The following PTGER2 variants were observed in gnomAD, a reference collection of about 807,000 sequenced individuals.
PTGER2 encodes the protein prostaglandin E2 receptor EP2 subtype.
Under a neutral mutation model 26.2 loss-of-function variants are expected in PTGER2, and 22 were observed. The observed-to-expected ratio is 0.84, with a 90% CI of 0.60 to 1.20. The LOEUF (loss-of-function observed/expected upper bound fraction) is 1.20, where lower values mean the gene tolerates loss of function less well. PTGER2 is among the 50% of genes most tolerant of loss of function. The probability of loss-of-function intolerance (pLI) is 0.00; values close to 1 mark genes in which losing one functional copy is unlikely to be tolerated. For missense variants in PTGER2, 458 were observed against 475.2 expected, an observed-to-expected ratio of 0.96 and a Z score of 0.34; for synonymous variants, 219 against 208.9, an observed-to-expected ratio of 1.05 and a Z score of -0.42.
At position 52,315,295 on chromosome 14, in the gene PTGER2, G is replaced by T. The variant is rs756332231; in HGVS notation, c.747G>T (p.Arg249Ser). 9.3e-6 allele frequency: 15 copies of T among 1,613,634 alleles called. No individual in the cohort carries two copies. The highest frequency in any genetic ancestry group is 8.3e-5 in the Admixed American group (5 of 60,012). The change falls in exon 1 of 2, where the codon AGG (arginine) becomes AGT (serine). Residue 249 changes from arginine to serine, a missense_variant. Coordinates refer to ENST00000245457, the MANE Select transcript of PTGER2 (RefSeq NM_000956.4). The part of the protein sequence containing the change: ...GSGRGGPGAR[R>S]RGERVSMAEE... ...GCCGGGGCGGCCCCGGGGCCCGCAG[G>T]AGAGGGGAAAGGGTGTCCATGGCGG...
In PTGER2 at chr14:52,314,401, G is replaced by A. The variant is rs1434420919; in HGVS notation, c.-148G>A. Reference sequence around the variant, plus strand: ...GGCGGGAGACCCAGGGCAAGCCGCCGTCGGCGCGCTGGGTGCGGGAAGGGG... The same window carrying A: ...GGCGGGAGACCCAGGGCAAGCCGCCATCGGCGCGCTGGGTGCGGGAAGGGG... On this transcript the variant is annotated 5_prime_UTR_variant, in exon 1 of 2. Coordinates refer to ENST00000245457, the MANE Select transcript of PTGER2 (RefSeq NM_000956.4). The surrounding 1 kb of genome is among the most constrained non-coding windows in gnomAD (Gnocchi z 5.7). 2.0e-6 allele frequency: 2 copies of A among 1,004,680 alleles called. No individual in the cohort carries two copies. The highest frequency in any genetic ancestry group is 1.7e-5 in the African/African-American group (1 of 59,556). 62.2% of individuals were successfully genotyped at this position (1,004,680 alleles called of 1,614,324 possible).
At chr14:52,317,289 TC>T (rs767642734) in intron 1 of PTGER2, among the ~76,000 whole-genome samples, 5 of 152,056 alleles carry the variant, frequency 3.3e-5, no homozygotes, top group Admixed American at 2.0e-4. Flanking sequence ...TTAGTCTCTT[TC>T]CTACACGAGC....
intron 1 of PTGER2, among the ~76,000 whole-genome samples, chr14:52,317,317 C>G (rs2033851045): frequency 1.3e-5 from 2 of 152,152 alleles, no homozygotes; most frequent in South Asian, 4.1e-4. Context: ...AAAAAGTTCT[C>G]CTCTTTGATC....
chr14:52,320,257 T>A (rs1012744299), intron 1 of PTGER2, among the ~76,000 whole-genome samples: 3 of 152,224 alleles, frequency 2.0e-5, no homozygotes, highest in Non-Finnish European at 4.4e-5. Flanking sequence ...TCACTTGACG[T>A]CTTTTCTCCT....
At chr14:52,315,980 C>T (rs1480686519) in intron 1 of PTGER2, among the ~76,000 whole-genome samples, 7 of 152,226 alleles carry the variant, frequency 4.6e-5, no homozygotes, top group Non-Finnish European at 1.5e-5. Context: ...GTCCAACAAA[C>T]ATCTAGTTTA....
chr14:52,323,130 A>T (rs2033914519), intron 1 of PTGER2, among the ~76,000 whole-genome samples: 3 of 152,210 alleles, frequency 2.0e-5, no homozygotes, highest in Non-Finnish European at 4.4e-5. Context: ...CACAATTTAT[A>T]TTCCTCTGCC....
In PTGER2 at chr14:52,314,968, C is replaced by A; in HGVS notation, c.420C>A (p.His140Gln). ...TGGAGCGCTACCTCTCGATCGGGCA[C>A]CCCTACTTCTACCAGCGCCGCGTCT... ...MALERYLSIG[H>Q]PYFYQRRVSR... The change falls in exon 1 of 2, where the codon CAC becomes CAA. Residue 140 changes from histidine to glutamine, a missense_variant. By Grantham distance (24) the His-to-Gln change is conservative. Transcript: ENST00000245457. The surrounding 1 kb of genome is among the most constrained non-coding windows in gnomAD (Gnocchi z 5.7). 1.2e-6 allele frequency: 2 copies of A among 1,613,282 alleles called. No homozygotes were observed. Among genetic ancestry groups the A allele is most frequent in the Non-Finnish European group, 1.7e-6 (2 of 1,179,980 alleles).
chr14:52,324,157 A>G (rs1406219596), intron 1 of PTGER2, among the ~76,000 whole-genome samples: 1 of 152,186 alleles, frequency 6.6e-6, no homozygotes, highest in Non-Finnish European at 1.5e-5. Flanking sequence ...AAGTGCATCC[A>G]CAAGAAGAGA....
intron 1 of PTGER2, 37 bp downstream of exon 1, chr14:52,315,428 C>T (rs747708171): frequency 5.6e-6 from 9 of 1,605,482 alleles, no homozygotes; most frequent in Non-Finnish European, 7.6e-6. Context: ...CCCGGCTCTG[C>T]TCAGCCTTCT....
intron 1 of PTGER2, among the ~76,000 whole-genome samples, chr14:52,324,824 T>C (rs1258118233): frequency 1.3e-5 from 2 of 152,024 alleles, no homozygotes; most frequent in Non-Finnish European, 2.9e-5. Flanking sequence ...GTCACTGAAG[T>C]ATGTCTCTTC....
At chr14:52,321,688 C>T (rs1180670934) in intron 1 of PTGER2, among the ~76,000 whole-genome samples, 1 of 152,228 alleles carries the variant, frequency 6.6e-6, no homozygotes, top group Non-Finnish European at 1.5e-5. Context: ...AACTGATCTT[C>T]TAAACCTTCA....
intron 1 of PTGER2, among the ~76,000 whole-genome samples, chr14:52,317,483 A>G (rs569243301): frequency 2.6e-5 from 4 of 152,302 alleles, no homozygotes; most frequent in African/African-American, 7.2e-5. Flanking sequence ...GGATATAGAT[A>G]TAGATATTGT....
chr14:52,327,278 C>A lies in PTGER2; in HGVS notation c.901C>A (p.Leu301Ile). ...SRKEKWDLQA[L>I]RFLSINSIID... ...AAAGGAAAAATGGGACCTCCAAGCT[C>A]TTAGGTTTTTATCAATTAATTCAAT... is the stretch of plus-strand genomic sequence containing the variant. Residue 301 changes from leucine to isoleucine, a missense_variant, in exon 2 of 2, where the codon CTT becomes ATT. Coordinates refer to ENST00000245457, the MANE Select transcript of PTGER2 (RefSeq NM_000956.4). 1 of 1,613,820 alleles carries A rather than the reference C, an allele frequency of 6.2e-7. No individual in the cohort carries two copies.
chr14:52,327,517 T>C lies in PTGER2; in HGVS notation c.*63T>C, dbSNP rs1383802767. On this transcript the variant is annotated 3_prime_UTR_variant, in exon 2 of 2. Coordinates refer to ENST00000245457, the MANE Select transcript of PTGER2 (RefSeq NM_000956.4). ...GGAAGATCATTTTGAAATTGTTCCT[T>C]GGAGAAATGAAAACAGTGTGTAAAC... 1.1e-5 allele frequency: 14 copies of C among 1,291,422 alleles called. No individual in the cohort carries two copies. Among genetic ancestry groups the C allele is most frequent in the Non-Finnish European group, 1.3e-5 (12 of 924,460 alleles). 80.0% of individuals were successfully genotyped at this position (1,291,422 alleles called of 1,614,324 possible). A position where few individuals can be genotyped will look rare whatever the true frequency, so the allele number is the denominator to read the frequency against.
intron 1 of PTGER2, among the ~76,000 whole-genome samples, chr14:52,317,293 A>G (rs1196087117): frequency 6.6e-6 from 1 of 152,206 alleles, no homozygotes; most frequent in Admixed American, 6.5e-5. Context: ...TCTCTTTCCT[A>G]CACGAGCAAG....
chr14:52,319,813 A>G (rs1018847554), intron 1 of PTGER2, among the ~76,000 whole-genome samples: 2 of 152,220 alleles, frequency 1.3e-5, no homozygotes, highest in Non-Finnish European at 2.9e-5. Flanking sequence ...TTTCAAGAGT[A>G]AACCATTGAC....
At chr14:52,316,409 G>A (rs1286079232) in intron 1 of PTGER2, among the ~76,000 whole-genome samples, 1 of 152,230 alleles carries the variant, frequency 6.6e-6, no homozygotes, top group Non-Finnish European at 1.5e-5. Flanking sequence ...GTCCGAGAAT[G>A]TGCTGGCCTC....
chr14:52,324,857 G>T (rs2033933716), intron 1 of PTGER2, among the ~76,000 whole-genome samples: 1 of 152,152 alleles, frequency 6.6e-6, no homozygotes, highest in Non-Finnish European at 1.5e-5. Context: ...AGAAGGAACT[G>T]GCTGGGCGCA....
chr14:52,327,972 T>A lies in PTGER2; in HGVS notation c.*518T>A, dbSNP rs2033969572. ...AATGAAGTTGAAAATCATAGGCACC[T>A]TTTACTGTGATGTTTGTGTATGTGG... On this transcript the variant is annotated 3_prime_UTR_variant, in exon 2 of 2. Coordinates refer to ENST00000245457, the MANE Select transcript of PTGER2 (RefSeq NM_000956.4). 1 of 154,366 alleles carries A rather than the reference T, an allele frequency of 6.5e-6. No homozygotes were observed. 9.6% of individuals were successfully genotyped at this position (154,366 alleles called of 1,614,324 possible).
Sources: gnomAD v4.1 joint callset for allele counts (sites outside exome capture counted in the v4.1 genomes callset) on GRCh38, gnomAD v4.1.1 for gene constraint, Gnocchi (gnomAD v3.1) non-coding constraint, MANE v1.5 for transcripts, NCBI Gene and HGNC (gene_info 2026-07-23, HGNC 2026-07-21) for gene names.